The following CLCN3 variants were observed in gnomAD, a reference collection of about 807,000 sequenced individuals.
CLCN3 encodes the protein H(+)/Cl(-) exchange transporter 3.
A neutral mutation model predicts 83.4 loss-of-function variants in CLCN3; 16 were observed. The ratio of observed to expected loss-of-function variants is 0.19; its 90% CI spans 0.13 to 0.29. The LOEUF (loss-of-function observed/expected upper bound fraction) is 0.29. Among genes scored for constraint, CLCN3 ranks in the 10% least tolerant of loss-of-function variants. The pLI, the probability that CLCN3 is intolerant of heterozygous loss-of-function variation, is 1.00. For synonymous variants in CLCN3, 322 were observed against 346.2 expected (o/e 0.93, Z 0.78); for missense variants, 544 against 1,006.0 (o/e 0.54, Z 6.21).
At chr4:169,651,407 A>T (rs1230653681) in intron 2 of CLCN3, among the ~76,000 whole-genome samples, 3 of 152,136 alleles carry the variant, frequency 2.0e-5, no homozygotes, top group Admixed American at 2.0e-4. Context: ...TTATGTGCTA[A>T]ACCTGTAAAA....
chr4:169,640,687 A>G (rs1421693488), intron 2 of CLCN3, among the ~76,000 whole-genome samples: 6 of 152,186 alleles, frequency 3.9e-5, no homozygotes, highest in East Asian at 3.9e-4. Flanking sequence ...TTTTGTTGCC[A>G]GAGTTGTATT....
chr4:169,687,444 A>T (rs1732205821), intron 3 of CLCN3, among the ~76,000 whole-genome samples: 1 of 152,198 alleles, frequency 6.6e-6, no homozygotes, highest in African/African-American at 2.4e-5. Flanking sequence ...TTTAATAAAA[A>T]ATAAAAGCAG....
intron 2 of CLCN3, among the ~76,000 whole-genome samples, chr4:169,676,878 G>GT (rs1392450261): frequency 6.6e-6 from 1 of 151,956 alleles, no homozygotes; most frequent in Non-Finnish European, 1.5e-5. Flanking sequence ...AGAAATAGGT[G>GT]TTAAGTGTAT....
At chr4:169,629,140 A>G (rs1170644540) in intron 1 of CLCN3, among the ~76,000 whole-genome samples, 1 of 152,188 alleles carries the variant, frequency 6.6e-6, no homozygotes, top group East Asian at 1.9e-4. Flanking sequence ...TGGCCATAAA[A>G]CGGCAACATG....
chr4:169,653,513 C>T (rs952256200), intron 2 of CLCN3, among the ~76,000 whole-genome samples: 7 of 151,510 alleles, frequency 4.6e-5, no homozygotes, highest in Non-Finnish European at 7.4e-5. Context: ...TGGTGGTGGG[C>T]GCCTGTAATC....
chr4:169,717,019 AGTTTT>A (rs1421896199), intron 12 of CLCN3, among the ~76,000 whole-genome samples: 2 of 152,066 alleles, frequency 1.3e-5, no homozygotes, highest in South Asian at 2.1e-4. Flanking sequence ...CAGTAACCAT[AGTTTT>A]GTTTTAATTA....
At chr4:169,633,527 A>AT (rs1314517618) in intron 1 of CLCN3, among the ~76,000 whole-genome samples, 2 of 152,210 alleles carry the variant, frequency 1.3e-5, no homozygotes, top group Non-Finnish European at 2.9e-5. Context: ...ACCTGAAAAT[A>AT]TTTAACACTA....
At chr4:169,647,671 T>C (rs56948468) in intron 2 of CLCN3, among the ~76,000 whole-genome samples, 35,796 of 152,096 alleles carry the variant, frequency 0.24, 4,409 homozygotes, top group South Asian at 0.3. Flanking sequence ...AATAATCCCA[T>C]ATATATGATA....
At chr4:169,683,746 T>C (rs1732040057) in intron 3 of CLCN3, among the ~76,000 whole-genome samples, 1 of 145,724 alleles carries the variant, frequency 6.9e-6, no homozygotes, top group Non-Finnish European at 1.5e-5. Context: ...TAAAATTAAT[T>C]TTTTTTTTTT....
chr4:169,650,040 A>G (rs1430426409), intron 2 of CLCN3, among the ~76,000 whole-genome samples: 2 of 152,094 alleles, frequency 1.3e-5, no homozygotes, highest in Admixed American at 1.3e-4. Context: ...AGCCATGATC[A>G]TGCCACTGGA....
rs959269459 is a variant in CLCN3 at position 169,721,780 on chromosome 4, G to C, written c.*1783G>C. On this transcript the variant is annotated 3_prime_UTR_variant, in exon 13 of 13. Transcript: ENST00000513761. Reference sequence around the variant, plus strand: ...ATTGGCAAAGGCAGTTTACTCAAAGGACTGGGCTAAATATTCTGTAATTAT... The same window carrying C: ...ATTGGCAAAGGCAGTTTACTCAAAGCACTGGGCTAAATATTCTGTAATTAT... The C allele has an allele frequency of 1.3e-5, 2 of 152,150 alleles. No homozygotes were observed. The highest frequency in any genetic ancestry group is 4.8e-5 in the African/African-American group (2 of 41,456). 9.4% of individuals were successfully genotyped at this position (152,150 alleles called of 1,614,324 possible).
At chr4:169,681,014 A>G (rs1731915906) in intron 3 of CLCN3, among the ~76,000 whole-genome samples, 1 of 152,098 alleles carries the variant, frequency 6.6e-6, no homozygotes, top group African/African-American at 2.4e-5. Context: ...ATGCCTGGCT[A>G]GTTTTTATAC....
chr4:169,690,463 T>C lies in CLCN3; in HGVS notation c.607-67T>C, dbSNP rs1011033825. 5.9e-6 allele frequency: 9 copies of C among 1,520,664 alleles called. No homozygotes were observed. In the Admixed American group the frequency reaches 1.5e-4, roughly 26 times the overall value. 94.2% of individuals were successfully genotyped at this position (1,520,664 alleles called of 1,614,324 possible). On this transcript the variant is annotated intron_variant, in intron 5 of 12. Coordinates refer to ENST00000513761, the MANE Select transcript of CLCN3 (RefSeq NM_001829.4). ...CCTGGCCGTTTACTGAAGTTTCTTA[T>C]GACAAGCATTTGCATTAGAGGTGCA...
At chr4:169,699,891 T>C (rs1265190481) in intron 9 of CLCN3, among the ~76,000 whole-genome samples, 1 of 151,854 alleles carries the variant, frequency 6.6e-6, no homozygotes, top group Non-Finnish European at 1.5e-5. Flanking sequence ...CAAAAAATAA[T>C]AATAAGAAGA....
intron 3 of CLCN3, among the ~76,000 whole-genome samples, chr4:169,686,251 A>T (rs527702956): frequency 3.3e-5 from 5 of 152,010 alleles, no homozygotes; most frequent in Admixed American, 1.3e-4. Flanking sequence ...GCAGCACACC[A>T]TCATGGCACA....
At chr4:169,680,500 C>G (rs1272970887) in intron 3 of CLCN3, 1 of 244,156 alleles carries the variant, frequency 4.1e-6, no homozygotes, top group Non-Finnish European at 7.7e-6. Flanking sequence ...GGGGGAAGAA[C>G]AAGCCAAGTT....
At chr4:169,684,504 A>C (rs1732076567) in intron 3 of CLCN3, among the ~76,000 whole-genome samples, 1 of 152,082 alleles carries the variant, frequency 6.6e-6, no homozygotes, top group South Asian at 2.1e-4. Flanking sequence ...GAGCTTTTTT[A>C]GTTTGCTATC....
intron 12 of CLCN3, among the ~76,000 whole-genome samples, chr4:169,719,131 A>G (rs1581297874): frequency 6.6e-6 from 1 of 152,348 alleles, no homozygotes; most frequent in Middle Eastern, 3.4e-3. Flanking sequence ...CAAGTGGGCA[A>G]TCCTTAAATT....
intron 2 of CLCN3, chr4:169,643,167 G>A (rs190604113): frequency 1.3e-5 from 2 of 152,324 alleles, no homozygotes; most frequent in African/African-American, 4.8e-5. Flanking sequence ...GCCACCAGAA[G>A]TCATCTTAAT....
Sources: gnomAD v4.1 joint callset for allele counts (sites outside exome capture counted in the v4.1 genomes callset) on GRCh38, gnomAD v4.1.1 for gene constraint, MANE v1.5 for transcripts, NCBI Gene and HGNC (gene_info 2026-07-23, HGNC 2026-07-21) for gene names.